ATP8B1: variants seen among roughly 807,000 people sequenced by gnomAD.
ATP8B1 encodes the protein phospholipid-transporting ATPase IC.
ATP8B1 carries 80 observed loss-of-function variants against 149.9 expected under a neutral mutation model. The observed-to-expected ratio is 0.53, with a 90% CI of 0.45 to 0.64. The LOEUF (loss-of-function observed/expected upper bound fraction) is 0.64, where lower values mean the gene tolerates loss of function less well. Among genes scored for constraint, ATP8B1 ranks in the 30% least tolerant of loss-of-function variants. ATP8B1 has a pLI of 0.00. For synonymous variants in ATP8B1, 536 were observed against 562.8 expected (o/e 0.95, Z 0.67); for missense variants, 1,247 against 1,552.6 (o/e 0.80, Z 3.31).
intron 12 of ATP8B1, among the ~76,000 whole-genome samples, chr18:57,689,122 A>G (rs527255613): frequency 7.9e-5 from 12 of 152,322 alleles, no homozygotes; most frequent in African/African-American, 2.9e-4. Context: ...ACCCATGTTC[A>G]GAATACACAG....
intron 8 of ATP8B1, 91 bp from the exon 9 acceptor site, chr18:57,695,623 G>A: frequency 1.1e-6 from 1 of 937,850 alleles, no homozygotes; most frequent in Non-Finnish European, 1.7e-6. Context: ...GCCATACCTG[G>A]ACATGAAGCC....
chr18:57,714,977 A>AACAC (rs1175819398), intron 2 of ATP8B1, among the ~76,000 whole-genome samples: 4 of 152,348 alleles, frequency 2.6e-5, no homozygotes, highest in Middle Eastern at 3.4e-3. Context: ...AACCTGCAGA[A>AACAC]ACAAAACTAT....
Position 57,695,356 on chromosome 18 carries a change from T to A in ATP8B1, c.782-27A>T, listed in dbSNP as rs1336660777. ...TTTTAAAAATATAAGATTCACATAA[T>A]TAATCACATACAAAAGTCTTTCTGG... is the stretch of plus-strand genomic sequence containing the variant. On this transcript the variant is annotated intron_variant, in intron 9 of 27. Coordinates refer to ENST00000648908, the MANE Select transcript of ATP8B1 (RefSeq NM_001374385.1). 8 of 1,590,054 alleles carry A rather than the reference T, an allele frequency of 5.0e-6. No homozygotes were observed. In the East Asian group the frequency reaches 1.8e-4, roughly 36 times the overall value.
chr18:57,668,385 A>G (rs773919591), intron 19 of ATP8B1, 44 bp downstream of exon 19: 3 of 1,504,330 alleles, frequency 2.0e-6, no homozygotes, highest in Non-Finnish European at 2.8e-6. Context: ...GCAGCTATAA[A>G]TATTTGTGAA....
At chr18:57,736,364 G>A (rs1316494532) in intron 1 of ATP8B1, among the ~76,000 whole-genome samples, 5 of 150,742 alleles carry the variant, frequency 3.3e-5, no homozygotes, top group Non-Finnish European at 7.4e-5. Context: ...TGTTGCCTGT[G>A]CTTTTGAGGT....
intron 1 of ATP8B1, among the ~76,000 whole-genome samples, chr18:57,785,077 G>A (rs116872976): frequency 0.015 from 2,271 of 152,286 alleles, 37 homozygotes; most frequent in Middle Eastern, 0.024. Context: ...TTGTTGACAA[G>A]CACCTAAAAT....
At chr18:57,776,011 A>G (rs1305748801) in intron 1 of ATP8B1, among the ~76,000 whole-genome samples, 1 of 152,188 alleles carries the variant, frequency 6.6e-6, no homozygotes, top group Non-Finnish European at 1.5e-5. Flanking sequence ...ATATCTAGTA[A>G]TGATGCCAGG....
At chr18:57,791,896 C>T (rs1263229625) in intron 1 of ATP8B1, among the ~76,000 whole-genome samples, 2 of 152,200 alleles carry the variant, frequency 1.3e-5, no homozygotes, top group Non-Finnish European at 2.9e-5. Context: ...ACACTCTCAA[C>T]AACCCCATAA....
At chr18:57,694,697 A>G in intron 10 of ATP8B1, 27 bp from the exon 11 acceptor site, 4 of 1,437,168 alleles carry the variant, frequency 2.8e-6, no homozygotes, top group Non-Finnish European at 2.9e-6. Context: ...CAATGTAGTC[A>G]TCAGTTGGGA....
At chr18:57,683,834 T>A (rs1378189505) in intron 15 of ATP8B1, among the ~76,000 whole-genome samples, 3 of 152,204 alleles carry the variant, frequency 2.0e-5, no homozygotes, top group African/African-American at 4.8e-5. Flanking sequence ...TATGAATAAG[T>A]GTAAATTTTC....
chr18:57,649,115 C>G (rs542610932), intron 27 of ATP8B1, among the ~76,000 whole-genome samples: 1 of 151,948 alleles, frequency 6.6e-6, no homozygotes. Flanking sequence ...CCAGGCTGGT[C>G]CTGACCTCAA....
intron 1 of ATP8B1, among the ~76,000 whole-genome samples, chr18:57,735,926 T>C (rs370680570): frequency 2.6e-5 from 4 of 152,132 alleles, no homozygotes; most frequent in South Asian, 2.1e-4. Flanking sequence ...TTTTAAGCCC[T>C]GCATGCATTA....
intron 22 of ATP8B1, among the ~76,000 whole-genome samples, chr18:57,658,358 A>G (rs1266928237): frequency 6.6e-6 from 1 of 152,076 alleles, no homozygotes; most frequent in Non-Finnish European, 1.5e-5. Flanking sequence ...CCTTGCCTTT[A>G]TCTCTCTCCT....
chr18:57,658,902 T>C (rs1338730731), intron 22 of ATP8B1, among the ~76,000 whole-genome samples: 2 of 152,188 alleles, frequency 1.3e-5, no homozygotes, highest in East Asian at 1.9e-4. Flanking sequence ...AAGGCACTAA[T>C]ACTACTTGTA....
chr18:57,777,733 T>C (rs553869203), intron 1 of ATP8B1, among the ~76,000 whole-genome samples: 1 of 152,256 alleles, frequency 6.6e-6, no homozygotes, highest in South Asian at 2.1e-4. Context: ...CATGCCCAGC[T>C]AATTTTTTGT....
At chr18:57,723,996 G>C (rs1275393226) in intron 2 of ATP8B1, among the ~76,000 whole-genome samples, 7 of 150,164 alleles carry the variant, frequency 4.7e-5, no homozygotes, top group East Asian at 1.9e-4. Flanking sequence ...ACAAGCAATG[G>C]GGAAAGGATT....
rs1909369608 is a variant in ATP8B1 at position 57,648,728 on chromosome 18, A to C, written c.3532-16T>G. ...GCTTCTGGATCTGCAAGGGGGAGAG[A>C]TGGGGAGGGATGAAAATAAGATCCA... On this transcript the variant is annotated splice_polypyrimidine_tract_variant and intron_variant, in intron 27 of 27. Coordinates refer to ENST00000648908, the MANE Select transcript of ATP8B1 (RefSeq NM_001374385.1). 6.5e-7 allele frequency: 1 copy of C among 1,548,682 alleles called. No individual in the cohort carries two copies. The highest frequency in any genetic ancestry group is 8.7e-7 in the Non-Finnish European group (1 of 1,146,318).
In ATP8B1 at chr18:57,683,944, T is replaced by C; in HGVS notation, c.1630+92A>G. 3 of 1,466,656 alleles carry C rather than the reference T, an allele frequency of 2.0e-6. No individual in the cohort carries two copies. The African/African-American group carries it at 4.2e-5, about 20-fold the overall frequency. 90.9% of individuals were successfully genotyped at this position (1,466,656 alleles called of 1,614,324 possible). ...CATTCTAATATGAGACAGATTTGTG[T>C]ACTACTTGACATGCATTTGAGCCAT... On this transcript the variant is annotated intron_variant, in intron 15 of 27. Transcript: ENST00000648908.
At chr18:57,785,745 A>T (rs1488445677) in intron 1 of ATP8B1, among the ~76,000 whole-genome samples, 1 of 152,162 alleles carries the variant, frequency 6.6e-6, no homozygotes, top group African/African-American at 2.4e-5. Context: ...ACCTCAAGTG[A>T]TCCACATGCC....
Sources: gnomAD v4.1 joint callset for allele counts (sites outside exome capture counted in the v4.1 genomes callset) on GRCh38, gnomAD v4.1.1 for gene constraint, MANE v1.5 for transcripts, NCBI Gene and HGNC (gene_info 2026-07-23, HGNC 2026-07-21) for gene names.